FAT3: variants seen among roughly 807,000 people sequenced by gnomAD.
FAT3 encodes FAT atypical cadherin 3, also known as protocadherin Fat 3.
A neutral mutation model predicts 310.2 loss-of-function variants in FAT3; 95 were observed. That is an observed-to-expected ratio of 0.31 (90% CI 0.26 to 0.36). FAT3 has a LOEUF of 0.36. Ranked by LOEUF, FAT3 falls within the 10% of genes least tolerant of loss-of-function variation. The pLI, the probability that FAT3 is intolerant of heterozygous loss-of-function variation, is 1.00. For missense variants in FAT3, 5,408 were observed against 5,715.6 expected, an observed-to-expected ratio of 0.95 and a Z score of 1.74; for synonymous variants, 2,314 against 2,192.9, an observed-to-expected ratio of 1.06 and a Z score of -1.54.
chr11:92,639,523 ATC>A (rs1439165083), intron 3 of FAT3, among the ~76,000 whole-genome samples: 1 of 151,662 alleles, frequency 6.6e-6, no homozygotes, highest in Non-Finnish European at 1.5e-5. Flanking sequence ...CCCATGCCCC[ATC>A]TCTCTCTGAG....
At chr11:92,356,168 A>T (rs1374957064) in intron 2 of FAT3, among the ~76,000 whole-genome samples, 2 of 152,068 alleles carry the variant, frequency 1.3e-5, no homozygotes, top group African/African-American at 4.8e-5. Context: ...TATTGTCGCT[A>T]TTTGTCTTTA....
Position 92,836,588 on chromosome 11 carries a change from G to A in FAT3, c.10109G>A (p.Ser3370Asn), listed in dbSNP as rs1321034115. ...VILLIAEDVD[S>N]QPNGQIHFSI... is the part of the protein sequence containing the mutation. ...AAGCTAATAGCAGAAGATGTAGACAGCCAGCCCAACGGACAGATTCATTTT... is the reference window on the plus strand; with the variant it reads ...AAGCTAATAGCAGAAGATGTAGACAACCAGCCCAACGGACAGATTCATTTT... Residue 3370 changes from serine to asparagine, a missense_variant, in exon 16 of 28, where the codon AGC (serine) becomes AAC (asparagine). Physicochemically the swap from Ser to Asn is conservative, Grantham distance 46 (BLOSUM62 1). Coordinates refer to ENST00000525166, the MANE Select transcript of FAT3 (RefSeq NM_001367949.2). The A allele has an allele frequency of 1.2e-6, 2 of 1,613,576 alleles. No individual in the cohort carries two copies. The highest frequency in any genetic ancestry group is 1.3e-5 in the African/African-American group (1 of 74,902).
chr11:92,382,700 C>T (rs552773993), intron 2 of FAT3, among the ~76,000 whole-genome samples: 3 of 152,316 alleles, frequency 2.0e-5, no homozygotes, highest in East Asian at 3.9e-4. Context: ...ATCTACAGTT[C>T]TATGACTTTT....
chr11:92,845,443 A>G (rs1948661753), intron 19 of FAT3, among the ~76,000 whole-genome samples: 1 of 152,174 alleles, frequency 6.6e-6, no homozygotes, highest in African/African-American at 2.4e-5. Context: ...CTTCAGTGAG[A>G]AACAGAGGCC....
intron 23 of FAT3, among the ~76,000 whole-genome samples, chr11:92,881,737 T>C (rs982930840): frequency 6.6e-6 from 1 of 152,208 alleles, no homozygotes; most frequent in Non-Finnish European, 1.5e-5. Context: ...AGAAGGTCTA[T>C]GTTCTCAAAT....
intron 2 of FAT3, among the ~76,000 whole-genome samples, chr11:92,509,889 T>G (rs548211916): frequency 6.6e-6 from 1 of 152,290 alleles, no homozygotes; most frequent in South Asian, 2.1e-4. Context: ...CATATTTATA[T>G]TTCATATTTT....
chr11:92,844,946 G>A (rs1267709933), intron 19 of FAT3, among the ~76,000 whole-genome samples: 1 of 152,218 alleles, frequency 6.6e-6, no homozygotes, highest in African/African-American at 2.4e-5. Flanking sequence ...ACAAACAGGC[G>A]AGCCTATTTT....
At chr11:92,412,236 G>T (rs1950287344) in intron 2 of FAT3, among the ~76,000 whole-genome samples, 1 of 151,738 alleles carries the variant, frequency 6.6e-6, no homozygotes, top group Admixed American at 6.6e-5. Flanking sequence ...CTGAGTAGCT[G>T]GGATTACAGG....
chr11:92,662,074 A>G (rs1942803440), intron 3 of FAT3, among the ~76,000 whole-genome samples: 1 of 152,230 alleles, frequency 6.6e-6, no homozygotes, highest in Non-Finnish European at 1.5e-5. Flanking sequence ...TGAGATTAAC[A>G]TACCAGACCA....
intron 3 of FAT3, among the ~76,000 whole-genome samples, chr11:92,652,387 T>C (rs1942412055): frequency 6.6e-6 from 1 of 152,262 alleles, no homozygotes; most frequent in Admixed American, 6.5e-5. Flanking sequence ...TTAATTTCAC[T>C]GTTCTTTTAA....
intron 2 of FAT3, among the ~76,000 whole-genome samples, chr11:92,495,869 G>T (rs980829709): frequency 6.6e-6 from 1 of 152,052 alleles, no homozygotes; most frequent in Non-Finnish European, 1.5e-5. Context: ...GGCTGGAGAT[G>T]ATTTTGATTC....
At chr11:92,464,471 A>T (rs1951711699) in intron 2 of FAT3, among the ~76,000 whole-genome samples, 1 of 152,224 alleles carries the variant, frequency 6.6e-6, no homozygotes. Flanking sequence ...GGGCTTCCCC[A>T]GACCCACATT....
chr11:92,731,019 A>G (rs1945161364), intron 4 of FAT3, among the ~76,000 whole-genome samples: 1 of 152,062 alleles, frequency 6.6e-6, no homozygotes, highest in Non-Finnish European at 1.5e-5. Flanking sequence ...CTTCCCTATC[A>G]CCCACCCCTT....
At chr11:92,793,918 G>A (rs927317607) in intron 9 of FAT3, among the ~76,000 whole-genome samples, 27 of 151,366 alleles carry the variant, frequency 1.8e-4, no homozygotes, top group African/African-American at 6.3e-4. Context: ...TTTAGAAAAA[G>A]AAAAGCCAAC....
In FAT3 at chr11:92,453,144, C is replaced by T. The variant is rs1419153672; in HGVS notation, c.3293-71490C>T. ...ATCTTTGCCGATTAGCTCCACTTCTCTCAAAAAATAAGTCCGTATTGAAAG... is the reference window on the plus strand; with the variant it reads ...ATCTTTGCCGATTAGCTCCACTTCTTTCAAAAAATAAGTCCGTATTGAAAG... On this transcript the variant is annotated intron_variant, in intron 2 of 27. Coordinates refer to ENST00000525166, the MANE Select transcript of FAT3 (RefSeq NM_001367949.2). Among the ~76,000 whole-genome samples the T allele has an allele frequency of 2.0e-5, 3 of 152,110 alleles. No homozygotes were observed. The South Asian group carries it at 6.2e-4, about 32-fold the overall frequency.
intron 2 of FAT3, among the ~76,000 whole-genome samples, chr11:92,485,411 G>C (rs1591354418): frequency 1.3e-5 from 2 of 152,162 alleles, no homozygotes; most frequent in East Asian, 3.9e-4. Flanking sequence ...GAAGACAGTT[G>C]TCTGCAAAGT....
intron 1 of FAT3, among the ~76,000 whole-genome samples, chr11:92,234,366 C>T (rs774777333): frequency 6.6e-5 from 10 of 151,934 alleles, no homozygotes; most frequent in South Asian, 4.2e-4. Flanking sequence ...ACTGCTTTGA[C>T]GAGAAGTGGC....
chr11:92,291,113 A>ACGCACG (rs1555002204), intron 1 of FAT3, among the ~76,000 whole-genome samples: 1 of 151,206 alleles, frequency 6.6e-6, no homozygotes, highest in East Asian at 2.0e-4. Context: ...ACACACACAC[A>ACGCACG]CACATGCACG....
intron 6 of FAT3, among the ~76,000 whole-genome samples, chr11:92,769,504 A>T (rs1024997342): frequency 1.3e-5 from 2 of 152,146 alleles, no homozygotes; most frequent in African/African-American, 4.8e-5. Flanking sequence ...CTGTATCTTT[A>T]TTCTGTTGGC....
Sources: gnomAD v4.1 joint callset for allele counts (sites outside exome capture counted in the v4.1 genomes callset) on GRCh38, gnomAD v4.1.1 for gene constraint, MANE v1.5 for transcripts, NCBI Gene and HGNC (gene_info 2026-07-23, HGNC 2026-07-21) for gene names.